SGCA: variants seen among roughly 807,000 people sequenced by gnomAD.
SGCA encodes sarcoglycan alpha, also known as alpha-sarcoglycan.
In SGCA, 34 loss-of-function variants were observed where a neutral mutation model predicts 38.1. The ratio of observed to expected loss-of-function variants is 0.89; its 90% CI spans 0.68 to 1.19. The LOEUF (loss-of-function observed/expected upper bound fraction) is 1.19. Among genes scored for constraint, SGCA ranks in the 50% most tolerant of loss-of-function variants. SGCA has a pLI of 0.00. For synonymous variants in SGCA, 209 were observed against 214.6 expected, an observed-to-expected ratio of 0.97 and a Z score of 0.23; for missense variants, 476 against 524.9, an observed-to-expected ratio of 0.91 and a Z score of 0.91.
At chr17:50,169,806 G>A (rs1905228722) in intron 6 of SGCA, 1 of 445,020 alleles carries the variant, frequency 2.2e-6, no homozygotes, top group South Asian at 2.2e-5. Context: ...GCCAGCGACT[G>A]GTAATTGACA....
intron 6 of SGCA, 77 bp downstream of exon 6, chr17:50,169,331 T>G (rs1905183957): frequency 7.8e-7 from 1 of 1,281,238 alleles, no homozygotes; most frequent in South Asian, 1.3e-5. Flanking sequence ...CCATGCTGCT[T>G]CCTATCTCCG....
chr17:50,166,199 A>T, intron 1 of SGCA, 122 bp downstream of exon 1: 2 of 829,642 alleles, frequency 2.4e-6, no homozygotes. Context: ...CAGGCGCCAG[A>T]AGGGCTTTGG....
At chr17:50,172,377 G>A (rs1905516950) in intron 8 of SGCA, 1 of 439,578 alleles carries the variant, frequency 2.3e-6, no homozygotes. Flanking sequence ...CATGTAACAT[G>A]CCAGGTGTCC....
In SGCA at chr17:50,167,326, T is replaced by A. The variant is rs1904975760; in HGVS notation, c.38-42T>A. The A allele has an allele frequency of 1.2e-6, 2 of 1,613,534 alleles. No homozygotes were observed. Among genetic ancestry groups the A allele is most frequent in the Admixed American group, 1.7e-5 (1 of 60,002 alleles). ...AGGGAGCTTATCCCCTGCCCAGGAC[T>A]GAGGCTGGCCTGTGTGTTTGGGACT... On this transcript the variant is annotated intron_variant, in intron 1 of 9. Coordinates refer to ENST00000262018, the MANE Select transcript of SGCA (RefSeq NM_000023.4). This position sits in a 1 kb window ranked among gnomAD's most constrained non-coding sequence, Gnocchi z 4.5.
At position 50,169,271 on chromosome 17, in the gene SGCA, G is replaced by A. The variant is rs1314130846; in HGVS notation, c.747+17G>A. On this transcript the variant is annotated intron_variant, in intron 6 of 9. Coordinates refer to ENST00000262018, the MANE Select transcript of SGCA (RefSeq NM_000023.4). ...GTGACCCTGGTGAGGAGGGACCCTGGGTCCGGGGGTGGGGTGGGGCATGGC... is the reference window on the plus strand; with the variant it reads ...GTGACCCTGGTGAGGAGGGACCCTGAGTCCGGGGGTGGGGTGGGGCATGGC... 2.5e-6 allele frequency: 4 copies of A among 1,602,200 alleles called. No homozygotes were observed. Among genetic ancestry groups the A allele is most frequent in the African/African-American group, 2.7e-5 (2 of 74,708 alleles).
intron 8 of SGCA, 29 bp from the exon 9 acceptor site, chr17:50,175,228 A>G: frequency 1.3e-6 from 2 of 1,578,136 alleles, no homozygotes; most frequent in Non-Finnish European, 1.7e-6. Flanking sequence ...TGACTCCCAG[A>G]GCTGATGACT....
At chr17:50,166,773 T>TCACA (rs1176988361) in intron 1 of SGCA, among the ~76,000 whole-genome samples, 46 of 35,480 alleles carry the variant, frequency 1.3e-3, no homozygotes, top group African/African-American at 6.5e-3. Flanking sequence ...ACACACACCC[T>TCACA]CACACACCCT....
chr17:50,172,012 G>A (rs1204579010), intron 8 of SGCA: 2 of 456,388 alleles, frequency 4.4e-6, no homozygotes, highest in East Asian at 6.9e-5. Flanking sequence ...CAGTGGCGAA[G>A]TGCCTTTCTG....
chr17:50,168,058 C>G (rs1159561481), intron 4 of SGCA, 39 bp downstream of exon 4: 13 of 1,562,318 alleles, frequency 8.3e-6, no homozygotes, highest in Non-Finnish European at 1.1e-5. Flanking sequence ...CCACCAATGC[C>G]AGTCTTGGGG....
rs1234995642 is a variant in SGCA at position 50,167,638 on chromosome 17, C to A, written c.214C>A (p.Leu72Met). 6.2e-7 allele frequency: 1 copy of A among 1,613,946 alleles called. No homozygotes were observed. The highest frequency in any genetic ancestry group is 2.2e-5 in the East Asian group (1 of 44,880). The change falls in exon 3 of 10, where the codon CTG becomes ATG. Residue 72 changes from leucine to methionine, a missense_variant. By Grantham distance (15) the Leu-to-Met change is conservative (BLOSUM62 2). Transcript: ENST00000262018. The surrounding 1 kb of genome is among the most constrained non-coding windows in gnomAD (Gnocchi z 4.5). ...YHAHLQGHPD[L>M]PRWLRYTQRS... ...CGCCCACCTCCAGGGACACCCAGAC[C>A]TGCCCCGGTGGCTCCGCTACACCCA...
At chr17:50,166,366 G>A (rs1904804040) in intron 1 of SGCA, among the ~76,000 whole-genome samples, 1 of 152,106 alleles carries the variant, frequency 6.6e-6, no homozygotes, top group Non-Finnish European at 1.5e-5. Context: ...TTAATGAGCT[G>A]GCTGGGCCGC....
chr17:50,173,416 C>T (rs891035741), intron 8 of SGCA, among the ~76,000 whole-genome samples: 6 of 140,352 alleles, frequency 4.3e-5, no homozygotes, highest in Admixed American at 7.5e-5. Context: ...TGTGTCTGTG[C>T]GTGTGCCTGA....
chr17:50,171,169 C>G (rs1436753250), intron 8 of SGCA, among the ~76,000 whole-genome samples: 1 of 152,236 alleles, frequency 6.6e-6, no homozygotes, highest in East Asian at 1.9e-4. Flanking sequence ...CAGTATGAGT[C>G]AGACACCTGC....
chr17:50,169,164 C>A lies in SGCA; in HGVS notation c.657C>A (p.His219Gln), dbSNP rs747684069. 1.9e-6 allele frequency: 3 copies of A among 1,614,056 alleles called. No individual in the cohort carries two copies. The highest frequency in any genetic ancestry group is 2.5e-6 in the Non-Finnish European group (3 of 1,180,004). The change falls in exon 6 of 10, where the codon CAC becomes CAA. Residue 219 changes from histidine to glutamine, a missense_variant. Coordinates refer to ENST00000262018, the MANE Select transcript of SGCA (RefSeq NM_000023.4). ...CLKMVASPDS[H>Q]ARCAQGQPPL... Reference sequence around the variant, plus strand: ...AGATGGTGGCATCCCCCGATAGCCACGCCCGCTGTGCCCAGGGCCAGCCTC... The same window carrying A: ...AGATGGTGGCATCCCCCGATAGCCAAGCCCGCTGTGCCCAGGGCCAGCCTC...
At chr17:50,172,422 G>A (rs1402696741) in intron 8 of SGCA, 9 of 405,394 alleles carry the variant, frequency 2.2e-5, no homozygotes, top group Admixed American at 1.3e-4. Flanking sequence ...GCCAGACAGC[G>A]GGCCTGCACG....
chr17:50,174,006 G>T (rs1013248207), intron 8 of SGCA, among the ~76,000 whole-genome samples: 6 of 152,098 alleles, frequency 3.9e-5, no homozygotes, highest in African/African-American at 1.2e-4. Context: ...CCCTGCCTGG[G>T]GCCCCAGCTC....
rs1197053271 is a variant in SGCA at position 50,168,312 on chromosome 17, G to A, written c.386-62G>A. 3.5e-6 allele frequency: 5 copies of A among 1,423,240 alleles called. No homozygotes were observed. The African/African-American group carries it at 5.7e-5, about 16-fold the overall frequency. 88.2% of individuals were successfully genotyped at this position (1,423,240 alleles called of 1,614,324 possible). On this transcript the variant is annotated intron_variant, in intron 4 of 9. Transcript: ENST00000262018. ...CAGGGATGTGGGGAGGAGCTTCAAG[G>A]AGGCTTTGCGGGGCAGAGCTGGGGC...
At position 50,167,689 on chromosome 17, in the gene SGCA, C is replaced by T. The variant is rs773161308; in HGVS notation, c.265C>T (p.Leu89Phe). Residue 89 changes from leucine to phenylalanine, a missense_variant, in exon 3 of 10, where the codon CTC (leucine) becomes TTC (phenylalanine). Transcript: ENST00000262018. The surrounding 1 kb of genome is among the most constrained non-coding windows in gnomAD (Gnocchi z 4.5). ...TQRSPHHPGF[L>F]YGSATPEDRG... is the part of the protein sequence containing the mutation. ...GCGCAGCCCCCACCACCCTGGCTTCCTCTACGGCTCTGCCACCCCAGAAGA... is the reference window on the plus strand; with the variant it reads ...GCGCAGCCCCCACCACCCTGGCTTCTTCTACGGCTCTGCCACCCCAGAAGA... 10 of 1,613,600 alleles carry T rather than the reference C, an allele frequency of 6.2e-6. No individual in the cohort carries two copies. The highest frequency in any genetic ancestry group is 8.5e-6 in the Non-Finnish European group (10 of 1,179,660).
At chr17:50,169,888 A>T (rs1304091444) in intron 6 of SGCA, 1 of 585,206 alleles carries the variant, frequency 1.7e-6, no homozygotes, top group Admixed American at 2.8e-5. Context: ...CCACTCCAGG[A>T]GACAGGTGCT....
Sources: gnomAD v4.1 joint callset for allele counts (sites outside exome capture counted in the v4.1 genomes callset) on GRCh38, gnomAD v4.1.1 for gene constraint, Gnocchi (gnomAD v3.1) non-coding constraint, MANE v1.5 for transcripts, NCBI Gene and HGNC (gene_info 2026-07-23, HGNC 2026-07-21) for gene names.